The following WASHC4 variants were observed in gnomAD, a reference collection of about 807,000 sequenced individuals.
WASHC4 encodes the protein WASH complex subunit 4.
Under a neutral mutation model 166.6 loss-of-function variants are expected in WASHC4, and 86 were observed. That is an observed-to-expected ratio of 0.52 (90% CI 0.43 to 0.62). The LOEUF (loss-of-function observed/expected upper bound fraction) is 0.62, where lower values mean the gene tolerates loss of function less well. Ranked by LOEUF, WASHC4 falls within the 20% of genes least tolerant of loss-of-function variation. The pLI is 0.00. For missense variants in WASHC4, 1,262 were observed against 1,382.4 expected (o/e 0.91, Z 1.38); for synonymous variants, 446 against 451.6 (o/e 0.99, Z 0.16).
Position 105,107,860 on chromosome 12 carries a change from G to C in WASHC4, c.60G>C (p.Gln20His). The change falls in exon 1 of 33, where the codon CAG (glutamine) becomes CAC (histidine). Residue 20 changes from glutamine (Q) to histidine (H), a missense_variant and splice_region_variant. Coordinates refer to ENST00000332180, the MANE Select transcript of WASHC4 (RefSeq NM_015275.3). ...WEFDRVDDGS[Q>H]KIHAEVQLKN... Reference sequence around the variant, plus strand: ...TTGACCGCGTTGACGACGGCTCGCAGAGTAAGGGAGCTGCAGGGCGAGGGC... The same window carrying C: ...TTGACCGCGTTGACGACGGCTCGCACAGTAAGGGAGCTGCAGGGCGAGGGC... The C allele has an allele frequency of 6.5e-7, 1 of 1,549,078 alleles. No homozygotes were observed. Among genetic ancestry groups the C allele is most frequent in the Non-Finnish European group, 8.7e-7 (1 of 1,144,972 alleles).
In WASHC4 at chr12:105,114,201, C is replaced by T. The variant is rs1879957025; in HGVS notation, c.202-15C>T. The T allele has an allele frequency of 6.2e-7, 1 of 1,603,970 alleles. No homozygotes were observed. Among genetic ancestry groups the T allele is most frequent in the African/African-American group, 1.3e-5 (1 of 74,786 alleles). Reference sequence around the variant, plus strand: ...TTCAAATTAAAAGAAATGTTCTTTTCCTTTGTTTCTGTAGCTTTTGCCTTA... The same window carrying T: ...TTCAAATTAAAAGAAATGTTCTTTTTCTTTGTTTCTGTAGCTTTTGCCTTA... On this transcript the variant is annotated splice_polypyrimidine_tract_variant and intron_variant, in intron 2 of 32. Coordinates refer to ENST00000332180, the MANE Select transcript of WASHC4 (RefSeq NM_015275.3).
At chr12:105,153,724 G>T (rs11829598) in intron 26 of WASHC4, among the ~76,000 whole-genome samples, 19,721 of 152,158 alleles carry the variant, frequency 0.13, 1,471 homozygotes, top group African/African-American at 0.21. Context: ...TTCTAGAGCA[G>T]TGTTACTTAA....
chr12:105,122,163 G>A lies in WASHC4; in HGVS notation c.711G>A (p.Gln237=), dbSNP rs1880812426. Residue 237 remains glutamine (Q), a synonymous_variant, in exon 10 of 33, where the codon CAG becomes CAA. Coordinates refer to ENST00000332180, the MANE Select transcript of WASHC4 (RefSeq NM_015275.3). ...ACAATCCTTCAAAATTTGGAATTCAGGAAGAAAAATTAAAGCCATTTGAAA... is the reference window on the plus strand; with the variant it reads ...ACAATCCTTCAAAATTTGGAATTCAAGAAGAAAAATTAAAGCCATTTGAAA... ...VHHNPSKFGI[Q]EEKLKPFEKF... 6.2e-7 allele frequency: 1 copy of A among 1,610,424 alleles called. No individual in the cohort carries two copies. Among genetic ancestry groups the A allele is most frequent in the African/African-American group, 1.3e-5 (1 of 74,764 alleles).
intron 1 of WASHC4, 75 bp downstream of exon 1, chr12:105,107,936 C>A (rs1592830340): frequency 8.9e-7 from 1 of 1,123,102 alleles, no homozygotes; most frequent in Non-Finnish European, 1.3e-6. Context: ...GGGCAGCGCT[C>A]CTGCGAGAGG....
intron 21 of WASHC4, 52 bp from the exon 22 acceptor site, chr12:105,144,666 A>G: frequency 6.6e-7 from 1 of 1,522,442 alleles, no homozygotes; most frequent in Non-Finnish European, 9.0e-7. Flanking sequence ...TTTAGGTTTC[A>G]TTTCTTTTCC....
At chr12:105,137,353 A>G (rs1156299716) in intron 14 of WASHC4, among the ~76,000 whole-genome samples, 2 of 152,146 alleles carry the variant, frequency 1.3e-5, no homozygotes, top group African/African-American at 4.8e-5. Context: ...TAGCAGATGG[A>G]CTGTGGGGAT....
chr12:105,129,449 G>A (rs752849114), intron 13 of WASHC4, among the ~76,000 whole-genome samples: 21 of 152,228 alleles, frequency 1.4e-4, no homozygotes, highest in Non-Finnish European at 2.6e-4. Flanking sequence ...GTGCAGGTTT[G>A]TTACATAGGT....
At chr12:105,154,076 G>A (rs1453826213) in intron 26 of WASHC4, among the ~76,000 whole-genome samples, 1 of 150,846 alleles carries the variant, frequency 6.6e-6, no homozygotes, top group East Asian at 1.9e-4. Flanking sequence ...TGTCACCCAG[G>A]CTGGAGTGCA....
chr12:105,159,930 AT>A, intron 28 of WASHC4, 70 bp from the exon 29 acceptor site: 1 of 1,371,240 alleles, frequency 7.3e-7, no homozygotes, highest in Non-Finnish European at 1.0e-6. Context: ...TATCTAAACT[AT>A]TGAGAGATGG....
intron 13 of WASHC4, among the ~76,000 whole-genome samples, chr12:105,130,620 G>A (rs1881708191): frequency 6.6e-6 from 1 of 152,134 alleles, no homozygotes; most frequent in Non-Finnish European, 1.5e-5. Context: ...GAAAGTTGAG[G>A]GGTTGTCTAA....
Position 105,140,316 on chromosome 12 carries a change from G to A in WASHC4, c.1475G>A (p.Arg492Lys). ...TAGGCAATAGAGCATATGTTCTACAGGAGAAGCATGGTTGTGGCTGATTCA... is the reference window on the plus strand; with the variant it reads ...TAGGCAATAGAGCATATGTTCTACAAGAGAAGCATGGTTGTGGCTGATTCA... ...LLKAIEHMFY[R>K]RSMVVADSVS... Residue 492 changes from arginine (R) to lysine (K), a missense_variant, in exon 16 of 33, where the codon AGG (arginine) becomes AAG (lysine). Transcript: ENST00000332180. 6.2e-7 allele frequency: 1 copy of A among 1,613,024 alleles called. No homozygotes were observed. Among genetic ancestry groups the A allele is most frequent in the Non-Finnish European group, 8.5e-7 (1 of 1,179,016 alleles).
chr12:105,156,655 A>G (rs772206867), intron 26 of WASHC4, 71 bp from the exon 27 acceptor site: 2 of 1,263,274 alleles, frequency 1.6e-6, no homozygotes, highest in East Asian at 2.5e-5. Flanking sequence ...TTACTACTGT[A>G]TGTAACTATA....
At chr12:105,148,585 AAAAGACTGTT>A in intron 24 of WASHC4, 3 of 985,336 alleles carry the variant, frequency 3.0e-6, no homozygotes, top group Non-Finnish European at 3.6e-6. Context: ...GATTAAAAAC[AAAAGACTGTT>A]AAAGAGATTT....
chr12:105,139,425 G>GTATATATATATATATATATATATATATA (rs71069791), intron 15 of WASHC4, among the ~76,000 whole-genome samples: 2 of 103,188 alleles, frequency 1.9e-5, no homozygotes, highest in Non-Finnish European at 3.9e-5. Context: ...ATGTGTGTGT[G>GTATATATATATATATATATATATATATA]TATATATATA....
At chr12:105,137,495 G>T (rs1185145080) in intron 14 of WASHC4, among the ~76,000 whole-genome samples, 4 of 152,172 alleles carry the variant, frequency 2.6e-5, no homozygotes, top group African/African-American at 9.7e-5. Flanking sequence ...CTCAGCTCTT[G>T]CCTTAAGTGG....
Position 105,152,338 on chromosome 12 carries a change from T to C in WASHC4, c.2650-5T>C. 1 of 1,466,920 alleles carries C rather than the reference T, an allele frequency of 6.8e-7. No individual in the cohort carries two copies. The highest frequency in any genetic ancestry group is 9.6e-7 in the Non-Finnish European group (1 of 1,046,722). The allele number at this position is 1,466,920 out of a possible 1,614,324, so 90.9% of individuals were successfully genotyped here. A position where few individuals can be genotyped will look rare whatever the true frequency, so the allele number is the denominator to read the frequency against. On this transcript the variant is annotated splice_region_variant and splice_polypyrimidine_tract_variant and intron_variant, in intron 25 of 32. Transcript: ENST00000332180. ...TTAAAAGTAGCCTTAAAATTTTCTG[T>C]CTAGTATCCTTTTGATAGAGCAGAA...
intron 13 of WASHC4, among the ~76,000 whole-genome samples, chr12:105,131,196 C>T (rs187920100): frequency 2.0e-5 from 3 of 151,104 alleles, no homozygotes; most frequent in African/African-American, 7.3e-5. Context: ...ACGCCATTCT[C>T]CTGCCTCAGC....
At chr12:105,119,269 A>G (rs1479732572) in intron 7 of WASHC4, among the ~76,000 whole-genome samples, 2 of 152,160 alleles carry the variant, frequency 1.3e-5, no homozygotes, top group Non-Finnish European at 2.9e-5. Context: ...TCACATTTTC[A>G]TAGAGCTCTT....
Position 105,107,849 on chromosome 12 carries a change from G to C in WASHC4, c.49G>C (p.Asp17His). The C allele has an allele frequency of 6.4e-7, 1 of 1,550,472 alleles. No individual in the cohort carries two copies. The highest frequency in any genetic ancestry group is 8.7e-7 in the Non-Finnish European group (1 of 1,146,112). Residue 17 changes from aspartate to histidine, a missense_variant, in exon 1 of 33, where the codon GAC becomes CAC. Asp to His is a moderately conservative substitution (Grantham distance 81). Coordinates refer to ENST00000332180, the MANE Select transcript of WASHC4 (RefSeq NM_015275.3). ...SPDWEFDRVD[D>H]GSQKIHAEVQ... ...GGACTGGGAGTTTGACCGCGTTGAC[G>C]ACGGCTCGCAGAGTAAGGGAGCTGC...
Sources: gnomAD v4.1 joint callset for allele counts (sites outside exome capture counted in the v4.1 genomes callset) on GRCh38, gnomAD v4.1.1 for gene constraint, MANE v1.5 for transcripts, NCBI Gene and HGNC (gene_info 2026-07-23, HGNC 2026-07-21) for gene names.